The following MTA1 variants were observed in gnomAD, a reference collection of about 807,000 sequenced individuals.
MTA1 encodes metastasis-associated protein MTA1.
MTA1 carries 15 observed loss-of-function variants against 97.0 expected under a neutral mutation model. That is an observed-to-expected ratio of 0.15 (90% confidence interval 0.10 to 0.24). The LOEUF is 0.24. Among genes scored for constraint, MTA1 ranks in the 10% least tolerant of loss-of-function variants. The probability of loss-of-function intolerance (pLI) is 1.00; values close to 1 mark genes in which losing one functional copy is unlikely to be tolerated. For missense variants in MTA1, 709 were observed against 1,015.1 expected, an observed-to-expected ratio of 0.70 and a Z score of 4.10; for synonymous variants, 435 against 417.5, an observed-to-expected ratio of 1.04 and a Z score of -0.51.
intron 1 of MTA1, among the ~76,000 whole-genome samples, chr14:105,431,488 C>T (rs587662803): frequency 2.0e-5 from 3 of 152,300 alleles, no homozygotes; most frequent in Admixed American, 6.5e-5. Flanking sequence ...CCTACTGACA[C>T]GAGAAATGTG....
rs2141732773 is a variant in MTA1, at chr14:105,470,317, C to G, written c.*102C>G. 1.3e-5 allele frequency: 13 copies of G among 993,520 alleles called. No homozygotes were observed. The highest frequency in any genetic ancestry group is 1.8e-5 in the Non-Finnish European group (13 of 732,826). The allele number at this position is 993,520 out of a possible 1,614,324, so 61.5% of individuals were successfully genotyped here. ...CCCTCAGTTTGGTAGTGCCCCACCT[C>G]CCGCCCTCACCTGCAGAGAAACGCG... On this transcript the variant is annotated 3_prime_UTR_variant, in exon 21 of 21. Coordinates refer to ENST00000331320, the MANE Select transcript of MTA1 (RefSeq NM_004689.4).
intron 18 of MTA1, 143 bp downstream of exon 18, chr14:105,466,885 C>T: frequency 2.4e-6 from 2 of 819,332 alleles, no homozygotes; most frequent in Non-Finnish European, 3.7e-6. Flanking sequence ...CAGTTCCCCA[C>T]ATTCCTCCCG....
rs1595345556 is a variant in MTA1 at position 105,445,585 on chromosome 14, C to G, written c.190+74C>G. 31 of 1,484,768 alleles carry G rather than the reference C, an allele frequency of 2.1e-5. No individual in the cohort carries two copies. The East Asian group carries it at 7.0e-4, about 34-fold the overall frequency. 92.0% of individuals were successfully genotyped at this position (1,484,768 alleles called of 1,614,324 possible). Reference sequence around the variant, plus strand: ...GGGAGGGCTGGCGGGGTCCTTCTTCCCTAGGGCCCATCGGCATCCTGGCCT... The same window carrying G: ...GGGAGGGCTGGCGGGGTCCTTCTTCGCTAGGGCCCATCGGCATCCTGGCCT... On this transcript the variant is annotated intron_variant, in intron 3 of 20. Coordinates refer to ENST00000331320, the MANE Select transcript of MTA1 (RefSeq NM_004689.4).
intron 1 of MTA1, among the ~76,000 whole-genome samples, chr14:105,430,894 C>T (rs1555423191): frequency 6.6e-6 from 1 of 152,182 alleles, no homozygotes; most frequent in East Asian, 1.9e-4. Context: ...CACGGCCGCA[C>T]TAATGGGAGG....
intron 1 of MTA1, among the ~76,000 whole-genome samples, chr14:105,430,810 G>A (rs2141433634): frequency 6.6e-6 from 1 of 152,234 alleles, no homozygotes; most frequent in East Asian, 1.9e-4. Context: ...AAAATCAAAG[G>A]CAGAAAACTT....
Position 105,420,067 on chromosome 14 carries a change from A to G in MTA1, c.28+4A>G. ...GCCAACATGTACAGGGTCGGAGGTA[A>G]GGCCGCACCGCCTTTATGCCCGGCC... On this transcript the variant is annotated splice_donor_region_variant and intron_variant, in intron 1 of 20. Transcript: ENST00000331320. This position sits in a 1 kb window ranked among gnomAD's most constrained non-coding sequence, Gnocchi z 5.3. The G allele has an allele frequency of 9.3e-7, 1 of 1,080,250 alleles. No homozygotes were observed. Among genetic ancestry groups the G allele is most frequent in the Non-Finnish European group, 1.1e-6 (1 of 882,928 alleles). 66.9% of individuals were successfully genotyped at this position (1,080,250 alleles called of 1,614,324 possible).
intron 2 of MTA1, among the ~76,000 whole-genome samples, chr14:105,444,753 T>C (rs1218963114): frequency 2.0e-5 from 3 of 147,232 alleles, no homozygotes; most frequent in African/African-American, 7.7e-5. Context: ...ATCACAACAC[T>C]GCACTCCAGC....
intron 6 of MTA1, among the ~76,000 whole-genome samples, chr14:105,453,353 A>G (rs2083017756): frequency 6.6e-6 from 1 of 152,232 alleles, no homozygotes; most frequent in Non-Finnish European, 1.5e-5. Flanking sequence ...TGCTGCTGAT[A>G]GGGATGGCTT....
In MTA1 at chr14:105,420,022, C is replaced by T. The variant is rs1555420421; in HGVS notation, c.-14C>T. ...GCGCCCGCCCCGGGCCCCTCCGCCGCCGCCGGCCCGGACATGGCCGCCAAC... is the reference window on the plus strand; with the variant it reads ...GCGCCCGCCCCGGGCCCCTCCGCCGTCGCCGGCCCGGACATGGCCGCCAAC... On this transcript the variant is annotated 5_prime_UTR_variant, in exon 1 of 21. Coordinates refer to ENST00000331320, the MANE Select transcript of MTA1 (RefSeq NM_004689.4). The surrounding 1 kb of genome is among the most constrained non-coding windows in gnomAD (Gnocchi z 5.3). 9.4e-7 allele frequency: 1 copy of T among 1,068,114 alleles called. No individual in the cohort carries two copies. The highest frequency in any genetic ancestry group is 1.1e-6 in the Non-Finnish European group (1 of 878,618). 66.2% of individuals were successfully genotyped at this position (1,068,114 alleles called of 1,614,324 possible).
chr14:105,438,909 C>G (rs922009659), intron 2 of MTA1, among the ~76,000 whole-genome samples, 170 bp downstream of exon 2: 2 of 152,214 alleles, frequency 1.3e-5, no homozygotes, highest in East Asian at 3.9e-4. Flanking sequence ...CGTGGCTCCT[C>G]CTTGGAGATA....
In MTA1 at chr14:105,465,191, G is replaced by T; in HGVS notation, c.1624+8G>T. On this transcript the variant is annotated splice_region_variant and intron_variant, in intron 16 of 20. Coordinates refer to ENST00000331320, the MANE Select transcript of MTA1 (RefSeq NM_004689.4). ...CCGTGCTTCGGTATCTTGGTGAGCA[G>T]CCAGGCGTGCTGGGGGGCTCCCAAT... The T allele has an allele frequency of 6.6e-7, 1 of 1,512,418 alleles. No homozygotes were observed. The allele number at this position is 1,512,418 out of a possible 1,614,324, so 93.7% of individuals were successfully genotyped here.
At chr14:105,438,791 C>T in intron 2 of MTA1, 52 bp downstream of exon 2, 1 of 1,576,406 alleles carries the variant, frequency 6.3e-7, no homozygotes, top group Non-Finnish European at 8.7e-7. Context: ...GGGGGCTACG[C>T]CAGCTCCTGC....
At chr14:105,426,262 G>GGC (rs2082009177) in intron 1 of MTA1, among the ~76,000 whole-genome samples, 1 of 151,980 alleles carries the variant, frequency 6.6e-6, no homozygotes, top group South Asian at 2.1e-4. Flanking sequence ...CCAGGGCAGC[G>GGC]GCAGCGGCTC....
intron 1 of MTA1, among the ~76,000 whole-genome samples, chr14:105,430,524 C>T (rs1160824269): frequency 1.3e-5 from 2 of 152,116 alleles, no homozygotes; most frequent in Non-Finnish European, 2.9e-5. Flanking sequence ...ATTACCAAAA[C>T]GTGACAGCAA....
chr14:105,436,856 C>T (rs1006528121), intron 1 of MTA1, among the ~76,000 whole-genome samples: 2 of 152,208 alleles, frequency 1.3e-5, no homozygotes, highest in African/African-American at 4.8e-5. Context: ...TGATGAAACC[C>T]ACCAATTTTG....
chr14:105,468,480 C>G (rs376669276), intron 18 of MTA1: 12 of 885,180 alleles, frequency 1.4e-5, no homozygotes, highest in Non-Finnish European at 1.9e-5. Flanking sequence ...TGACCCTGCC[C>G]GGCAGAGCTA....
rs587765608 is a variant in MTA1, at chr14:105,454,219, C to T, written c.459C>T (p.Tyr153=). The T allele has an allele frequency of 9.9e-5, 159 of 1,612,962 alleles. 2 individuals carry two copies. The South Asian group carries it at 1.2e-3, about 12-fold the overall frequency. The part of the protein sequence containing the change: ...REDFFFYSLV[Y]DPQQKTLLAD... ...ATTTCTTCTTCTATTCTCTAGTCTA[C>T]GACCCACAGCAGAAGACCCTGCTGG... The change falls in exon 7 of 21, where the codon TAC becomes TAT. Residue 153 remains tyrosine (Y), a synonymous_variant. Coordinates refer to ENST00000331320, the MANE Select transcript of MTA1 (RefSeq NM_004689.4).
Position 105,465,208 on chromosome 14 carries a change from G to A in MTA1, c.1624+25G>A, listed in dbSNP as rs1555432432. On this transcript the variant is annotated intron_variant, in intron 16 of 20. Transcript: ENST00000331320. ...GGTGAGCAGCCAGGCGTGCTGGGGGGCTCCCAATGCTGCCTGCAGGCAGCT... is the reference window on the plus strand; with the variant it reads ...GGTGAGCAGCCAGGCGTGCTGGGGGACTCCCAATGCTGCCTGCAGGCAGCT... The A allele has an allele frequency of 3.4e-6, 5 of 1,486,398 alleles. No homozygotes were observed. In the Admixed American group the frequency reaches 1.1e-4, roughly 33 times the overall value. The allele number at this position is 1,486,398 out of a possible 1,614,324, so 92.1% of individuals were successfully genotyped here. A position where few individuals can be genotyped will look rare whatever the true frequency, so the allele number is the denominator to read the frequency against.
chr14:105,451,502 G>A (rs1340220483), intron 6 of MTA1, among the ~76,000 whole-genome samples: 2 of 152,256 alleles, frequency 1.3e-5, no homozygotes, highest in Non-Finnish European at 2.9e-5. Flanking sequence ...GGCTGTGGGG[G>A]TCGCTGTGAA....
Sources: gnomAD v4.1 joint callset for allele counts (sites outside exome capture counted in the v4.1 genomes callset) on GRCh38, gnomAD v4.1.1 for gene constraint, Gnocchi (gnomAD v3.1) non-coding constraint, MANE v1.5 for transcripts, NCBI Gene and HGNC (gene_info 2026-07-23, HGNC 2026-07-21) for gene names.